The following OR51E2 variants were observed in gnomAD, a reference collection of about 807,000 sequenced individuals.
The protein encoded by OR51E2 is olfactory receptor family 51 subfamily E member 2.
Under a neutral mutation model 13.7 loss-of-function variants are expected in OR51E2, and 14 were observed. That is an observed-to-expected ratio of 1.02 (90% CI 0.68 to 1.60). The LOEUF (loss-of-function observed/expected upper bound fraction) is 1.60. Among genes scored for constraint, OR51E2 ranks in the 40% most tolerant of loss-of-function variants. The pLI, the probability that OR51E2 is intolerant of heterozygous loss-of-function variation, is 0.00. For synonymous variants in OR51E2, 180 were observed against 157.6 expected (o/e 1.14, Z -1.07); for missense variants, 483 against 413.8 (o/e 1.17, Z -1.45).
At chr11:4,688,285 G>A (rs1375383397) in intron 1 of OR51E2, among the ~76,000 whole-genome samples, 1 of 152,180 alleles carries the variant, frequency 6.6e-6, no homozygotes. Context: ...CAAGGGCCCT[G>A]TAATGGGGTG....
rs372845852 is a variant in OR51E2, at chr11:4,682,055, C to T, written c.657G>A (p.Leu219=). 6.2e-7 allele frequency: 1 copy of T among 1,614,206 alleles called. No individual in the cohort carries two copies. Among genetic ancestry groups the T allele is most frequent in the African/African-American group, 1.3e-5 (1 of 75,046 alleles). The change falls in exon 2 of 2, where the codon CTG becomes CTA. Residue 219 remains leucine, a synonymous_variant. Coordinates refer to ENST00000396950, the MANE Select transcript of OR51E2 (RefSeq NM_030774.4). ...DVMFISLSYF[L]IIRTVLQLPS... is the part of the protein sequence containing the mutation. ...GCAGTTGCAGAACCGTTCGTATTAT[C>T]AGAAAATAGGACAAGGAGATGAACA...
At chr11:4,683,627 G>T (rs1041585417) in intron 1 of OR51E2, among the ~76,000 whole-genome samples, 1 of 152,192 alleles carries the variant, frequency 6.6e-6, no homozygotes, top group East Asian at 1.9e-4. Context: ...AGTTTGAGTT[G>T]AGTCCTTACT....
intron 1 of OR51E2, among the ~76,000 whole-genome samples, chr11:4,690,176 A>G (rs985856708): frequency 2.0e-5 from 3 of 151,656 alleles, no homozygotes; most frequent in Non-Finnish European, 4.4e-5. Context: ...GCCATCAGCA[A>G]CACCAGTTAC....
rs1044293546 is a variant in OR51E2, at chr11:4,682,569, A to G, written c.143T>C (p.Val48Ala). Residue 48 changes from valine to alanine, a missense_variant, in exon 2 of 2, where the codon GTA (valine) becomes GCA (alanine). Transcript: ENST00000396950. Reference protein sequence around the residue: ...MFGNCIVVFIVRTERSLHAPM... With the variant: ...MFGNCIVVFIARTERSLHAPM... Reference sequence around the variant, plus strand: ...AGCGTGCAGGCTGCGTTCCGTCCTTACGATGAAGACCACGATGCAGTTTCC... The same window carrying G: ...AGCGTGCAGGCTGCGTTCCGTCCTTGCGATGAAGACCACGATGCAGTTTCC... 13 of 1,614,030 alleles carry G rather than the reference A, an allele frequency of 8.1e-6. No homozygotes were observed. Among genetic ancestry groups the G allele is most frequent in the Non-Finnish European group, 1.1e-5 (13 of 1,180,014 alleles).
rs374267098 is a variant in OR51E2, at chr11:4,682,535, G to A, written c.177C>T (p.Tyr59=). 2.5e-6 allele frequency: 4 copies of A among 1,614,092 alleles called. No individual in the cohort carries two copies. In the African/African-American group the frequency reaches 5.3e-5, roughly 22 times the overall value. ...TGGCTGCAAGCATGCAGAGAAAGAG[G>A]TACATCGGAGCGTGCAGGCTGCGTT... ...RTERSLHAPM[Y]LFLCMLAAID... is the part of the protein sequence containing the mutation. Residue 59 remains tyrosine, a synonymous_variant, in exon 2 of 2, where the codon TAC becomes TAT. Transcript: ENST00000396950.
intron 1 of OR51E2, among the ~76,000 whole-genome samples, chr11:4,695,787 T>C (rs940585670): frequency 3.4e-5 from 5 of 147,116 alleles, no homozygotes; most frequent in Non-Finnish European, 6.0e-5. Context: ...TTTTTTTTTT[T>C]CCTGTTTGTT....
intron 1 of OR51E2, among the ~76,000 whole-genome samples, chr11:4,687,404 A>C (rs534596730): frequency 6.6e-6 from 1 of 152,320 alleles, no homozygotes; most frequent in South Asian, 2.1e-4. Flanking sequence ...ATAAAGCTTC[A>C]CAAGATTAGG....
intron 1 of OR51E2, among the ~76,000 whole-genome samples, chr11:4,693,679 G>A (rs1049229544): frequency 6.6e-6 from 1 of 152,078 alleles, no homozygotes; most frequent in African/African-American, 2.4e-5. Context: ...CCGAGATGGC[G>A]CCATTGCACT....
rs1847433823 is a variant in OR51E2 at position 4,680,197 on chromosome 11, T to C, written c.*1552A>G. On this transcript the variant is annotated 3_prime_UTR_variant, in exon 2 of 2. Transcript: ENST00000396950. Reference sequence around the variant, plus strand: ...AAATTTAAAATAAAATTTTATTTTATCTTATACTCAAGTTCAGACAATAGC... The same window carrying C: ...AAATTTAAAATAAAATTTTATTTTACCTTATACTCAAGTTCAGACAATAGC... The C allele has an allele frequency of 6.6e-6, 1 of 152,190 alleles. No individual in the cohort carries two copies. Among genetic ancestry groups the C allele is most frequent in the African/African-American group, 2.4e-5 (1 of 41,430 alleles). 9.4% of individuals were successfully genotyped at this position (152,190 alleles called of 1,614,324 possible).
At chr11:4,695,443 T>C (rs1042052654) in intron 1 of OR51E2, among the ~76,000 whole-genome samples, 2 of 152,226 alleles carry the variant, frequency 1.3e-5, no homozygotes, top group African/African-American at 4.8e-5. Context: ...ATAGTTTTCA[T>C]AATTAGCCTT....
chr11:4,682,775 G>C lies in OR51E2; in HGVS notation c.-50-14C>G, dbSNP rs1360397372. The C allele has an allele frequency of 6.5e-6, 10 of 1,545,540 alleles. No homozygotes were observed. Among genetic ancestry groups the C allele is most frequent in the South Asian group, 1.2e-5 (1 of 80,334 alleles). The stretch of plus-strand genomic sequence containing the variant: ...CACACTGGCAGTCTGCAGGGACATA[G>C]AGCACAATCAGAGAATGCCCTGGAA... On this transcript the variant is annotated splice_polypyrimidine_tract_variant and intron_variant, in intron 1 of 1. Coordinates refer to ENST00000396950, the MANE Select transcript of OR51E2 (RefSeq NM_030774.4).
In OR51E2 at chr11:4,682,085, G is replaced by A. The variant is rs765173387; in HGVS notation, c.627C>T (p.Asp209=). 147 of 1,614,056 alleles carry A rather than the reference G, an allele frequency of 9.1e-5. No homozygotes were observed. The highest frequency in any genetic ancestry group is 1.4e-4 in the South Asian group (13 of 91,088). The change falls in exon 2 of 2, where the codon GAC becomes GAT. Residue 209 remains aspartate, a synonymous_variant. Coordinates refer to ENST00000396950, the MANE Select transcript of OR51E2 (RefSeq NM_030774.4). ...AATAGGACAAGGAGATGAACATTAC[G>A]TCCACGCCCATGACCAGCAGAATGG... ...LTAILLVMGV[D]VMFISLSYFL...
At position 4,682,026 on chromosome 11, in the gene OR51E2, G is replaced by A; in HGVS notation, c.686C>T (p.Ser229Phe). The change falls in exon 2 of 2, where the codon TCC becomes TTC. Residue 229 changes from serine to phenylalanine, a missense_variant. Ser to Phe is a radical substitution (Grantham distance 155, BLOSUM62 -2). Coordinates refer to ENST00000396950, the MANE Select transcript of OR51E2 (RefSeq NM_030774.4). ...AAAGGCCTTGGCCCGCTCTGACTTG[G>A]AAGGCAGTTGCAGAACCGTTCGTAT... ...LIIRTVLQLPSKSERAKAFGT... is the reference protein window; with the variant it reads ...LIIRTVLQLPFKSERAKAFGT... 6.2e-7 allele frequency: 1 copy of A among 1,614,248 alleles called. No individual in the cohort carries two copies. The highest frequency in any genetic ancestry group is 8.5e-7 in the Non-Finnish European group (1 of 1,180,050).
In OR51E2 at chr11:4,681,934, C is replaced by CAA; in HGVS notation, c.777_778insTT (p.Val260LeufsTer65). 1 of 1,614,062 alleles carries CAA rather than the reference C, an allele frequency of 6.2e-7. No homozygotes were observed. Among genetic ancestry groups the CAA allele is most frequent in the Non-Finnish European group, 8.5e-7 (1 of 1,179,946 alleles). ...TGAAGGCTGTTTCCAAAGCGGTGTA[C>CAA]CACTGAGAGGCCAATAAGTGGCACA... On this transcript the variant is annotated frameshift_variant, in exon 2 of 2. Transcript: ENST00000396950. LOFTEE classifies it high-confidence loss of function.
chr11:4,687,389 T>C (rs892591926), intron 1 of OR51E2, among the ~76,000 whole-genome samples: 1 of 152,124 alleles, frequency 6.6e-6, no homozygotes, highest in Non-Finnish European at 1.5e-5. Context: ...TGTTGGGAAG[T>C]GGAAATAAAG....
At chr11:4,693,624 G>T (rs905458203) in intron 1 of OR51E2, among the ~76,000 whole-genome samples, 1 of 152,170 alleles carries the variant, frequency 6.6e-6, no homozygotes, top group Non-Finnish European at 1.5e-5. Context: ...GGGAGGCTGA[G>T]GCAGGAGAAT....
chr11:4,684,151 G>T (rs942359530), intron 1 of OR51E2, among the ~76,000 whole-genome samples: 1 of 152,216 alleles, frequency 6.6e-6, no homozygotes, highest in African/African-American at 2.4e-5. Context: ...AAGAAGGACA[G>T]ATTTGGGGTT....
At chr11:4,693,117 C>G (rs939232814) in intron 1 of OR51E2, among the ~76,000 whole-genome samples, 1 of 151,976 alleles carries the variant, frequency 6.6e-6, no homozygotes, top group Non-Finnish European at 1.5e-5. Flanking sequence ...GTTCACAGCA[C>G]AAAGAAATGA....
At position 4,681,677 on chromosome 11, in the gene OR51E2, G is replaced by C; in HGVS notation, c.*72C>G. On this transcript the variant is annotated 3_prime_UTR_variant, in exon 2 of 2. Coordinates refer to ENST00000396950, the MANE Select transcript of OR51E2 (RefSeq NM_030774.4). ...GTACTGATGTGCTTATGGGCAACTGGAAATAAGCTAGTGTTAGAAATAATT... is the reference window on the plus strand; with the variant it reads ...GTACTGATGTGCTTATGGGCAACTGCAAATAAGCTAGTGTTAGAAATAATT... 2 of 1,555,698 alleles carry C rather than the reference G, an allele frequency of 1.3e-6. No individual in the cohort carries two copies. Among genetic ancestry groups the C allele is most frequent in the Middle Eastern group, 1.7e-4 (1 of 5,844 alleles).
Sources: allele counts gnomAD v4.1 joint callset (sites outside exome capture counted in the v4.1 genomes callset), GRCh38; gene constraint gnomAD v4.1.1; transcripts MANE v1.5; gene names NCBI Gene and HGNC (gene_info 2026-07-23, HGNC 2026-07-21).